The following PTPRD variants were observed in gnomAD, a reference collection of about 807,000 sequenced individuals.
The protein encoded by PTPRD is protein tyrosine phosphatase receptor type D, also known as receptor-type tyrosine-protein phosphatase delta.
In PTPRD, 34 loss-of-function variants were observed where a neutral mutation model predicts 214.5. The observed-to-expected ratio is 0.16, with a 90% CI of 0.12 to 0.21. The LOEUF is 0.21. PTPRD is among the 10% of genes least tolerant of loss of function. The pLI is 1.00. For synonymous variants in PTPRD, 1,128 were observed against 845.7 expected, an observed-to-expected ratio of 1.33 and a Z score of -5.79; for missense variants, 2,545 against 2,398.7, an observed-to-expected ratio of 1.06 and a Z score of -1.27.
At chr9:8,755,721 C>T (rs1305610890) in intron 11 of PTPRD, among the ~76,000 whole-genome samples, 1 of 151,974 alleles carries the variant, frequency 6.6e-6, no homozygotes, top group Non-Finnish European at 1.5e-5. Flanking sequence ...TCTTAGTTAC[C>T]TTCTAATCAT....
At chr9:9,332,704 C>T (rs2042796849) in intron 9 of PTPRD, among the ~76,000 whole-genome samples, 1 of 151,468 alleles carries the variant, frequency 6.6e-6, no homozygotes, top group Non-Finnish European at 1.5e-5. Context: ...TGGTTCACAG[C>T]TGTGCTTATA....
At chr9:9,268,102 T>A (rs1397016830) in intron 9 of PTPRD, among the ~76,000 whole-genome samples, 2 of 150,974 alleles carry the variant, frequency 1.3e-5, no homozygotes, top group Non-Finnish European at 3.0e-5. Flanking sequence ...GATGATATAA[T>A]CTTATATATA....
intron 9 of PTPRD, among the ~76,000 whole-genome samples, chr9:9,327,614 T>G (rs144294971): frequency 2.0e-5 from 3 of 152,156 alleles, no homozygotes; most frequent in Admixed American, 6.6e-5. Context: ...TTGTTTCTAT[T>G]GCAAGAGGTT....
At chr9:9,226,504 G>A (rs1040576013) in intron 9 of PTPRD, among the ~76,000 whole-genome samples, 3 of 151,960 alleles carry the variant, frequency 2.0e-5, no homozygotes, top group Non-Finnish European at 2.9e-5. Context: ...GGTATGGGCA[G>A]AAGGTGACAA....
chr9:10,542,846 G>A (rs944748882), intron 2 of PTPRD, among the ~76,000 whole-genome samples: 4 of 152,090 alleles, frequency 2.6e-5, no homozygotes, highest in African/African-American at 9.7e-5. Flanking sequence ...AGTCTCCTGA[G>A]TAGCTGGGAT....
chr9:8,949,506 A>G (rs2099090329), intron 11 of PTPRD, among the ~76,000 whole-genome samples: 1 of 14,214 alleles, frequency 7.0e-5, no homozygotes, highest in African/African-American at 8.6e-5. Flanking sequence ...CCATTTACAT[A>G]ACGCCTTTGA....
At chr9:10,075,562 G>C (rs753867348) in intron 3 of PTPRD, among the ~76,000 whole-genome samples, 7 of 151,760 alleles carry the variant, frequency 4.6e-5, no homozygotes, top group Non-Finnish European at 8.8e-5. Context: ...ATTTTAATCA[G>C]TTTTGTTCAC....
chr9:10,549,777 T>C (rs1393708229), intron 2 of PTPRD, among the ~76,000 whole-genome samples: 1 of 152,142 alleles, frequency 6.6e-6, no homozygotes, highest in Non-Finnish European at 1.5e-5. Context: ...TTGGGAGTAT[T>C]CCACTGTACT....
In PTPRD at chr9:9,710,047, T is replaced by TA. The variant is rs770135914; in HGVS notation, c.-287+24485dup. Among the ~76,000 whole-genome samples, 182 of 147,712 alleles carry TA rather than the reference T, an allele frequency of 1.2e-3. 1 individual carries two copies. In the South Asian group the frequency reaches 0.012, roughly 10 times the overall value. On this transcript the variant is annotated intron_variant, in intron 7 of 45. Transcript: ENST00000381196. ...TTTTTAAAAGCAGATTTTGTTTCTT[T>TA]AAAAAAAAAAATAGAATAGGTCTCT...
Position 8,789,813 on chromosome 9 carries a change from A to T in PTPRD, c.-103-55867T>A, listed in dbSNP as rs1438951802. ...ATACACAAAAATAAATTCCAGGTGG[A>T]TTGAAGACTTAAATGTGAAAATTAA... On this transcript the variant is annotated intron_variant, in intron 11 of 45. Coordinates refer to ENST00000381196, the MANE Select transcript of PTPRD (RefSeq NM_002839.4). Among the ~76,000 whole-genome samples, 11 of 152,330 alleles carry T rather than the reference A, an allele frequency of 7.2e-5. No individual in the cohort carries two copies. The East Asian group carries it at 7.7e-4, about 11-fold the overall frequency.
intron 9 of PTPRD, among the ~76,000 whole-genome samples, chr9:9,276,008 T>A (rs890525840): frequency 6.6e-6 from 1 of 151,266 alleles, no homozygotes; most frequent in Non-Finnish European, 1.5e-5. Context: ...TATAACAAAT[T>A]TCTCGGGATA....
chr9:9,976,880 C>T (rs956140972), intron 4 of PTPRD, among the ~76,000 whole-genome samples: 1 of 151,750 alleles, frequency 6.6e-6, no homozygotes, highest in African/African-American at 2.4e-5. Context: ...AATGAAATAA[C>T]TCTTTACTCA....
intron 3 of PTPRD, among the ~76,000 whole-genome samples, chr9:10,186,329 G>A (rs2099330083): frequency 6.6e-6 from 1 of 151,942 alleles, no homozygotes; most frequent in East Asian, 1.9e-4. Flanking sequence ...TTAATTTATT[G>A]TTGTATAGAT....
At chr9:9,226,692 G>A (rs770361200) in intron 9 of PTPRD, among the ~76,000 whole-genome samples, 3 of 152,038 alleles carry the variant, frequency 2.0e-5, no homozygotes, top group Non-Finnish European at 4.4e-5. Flanking sequence ...TAGGAGATAA[G>A]TACTTTGACT....
At chr9:9,236,589 T>C (rs2099966879) in intron 9 of PTPRD, among the ~76,000 whole-genome samples, 1 of 126,600 alleles carries the variant, frequency 7.9e-6, no homozygotes, top group Admixed American at 7.6e-5. Context: ...CCTTAGTACA[T>C]TCCTTTAGCT....
intron 11 of PTPRD, among the ~76,000 whole-genome samples, chr9:8,744,714 T>C (rs2092588454): frequency 6.6e-6 from 1 of 152,192 alleles, no homozygotes; most frequent in Non-Finnish European, 1.5e-5. Context: ...GCTTGGGCGA[T>C]GGGTGCACCA....
chr9:8,911,378 C>G (rs968013560), intron 11 of PTPRD, among the ~76,000 whole-genome samples: 9 of 142,838 alleles, frequency 6.3e-5, no homozygotes, highest in Non-Finnish European at 1.2e-4. Flanking sequence ...GTTGGGAGAA[C>G]TGGATGCCCA....
chr9:8,924,335 C>T (rs1245204741), intron 11 of PTPRD, among the ~76,000 whole-genome samples: 2 of 152,202 alleles, frequency 1.3e-5, no homozygotes, highest in East Asian at 3.8e-4. Context: ...AGTTCCTCAG[C>T]TCTCTTCTTG....
At chr9:9,936,198 C>T (rs1354858955) in intron 5 of PTPRD, among the ~76,000 whole-genome samples, 2 of 148,760 alleles carry the variant, frequency 1.3e-5, no homozygotes, top group Admixed American at 1.3e-4. Flanking sequence ...ACACCAAAAG[C>T]AATGGCAACA....
Sources: allele counts gnomAD v4.1 joint callset (sites outside exome capture counted in the v4.1 genomes callset), GRCh38; gene constraint gnomAD v4.1.1; transcripts MANE v1.5; gene names NCBI Gene and HGNC (gene_info 2026-07-23, HGNC 2026-07-21).